Variants in UBR2 observed in about 807,000 individuals in gnomAD.
The protein encoded by UBR2 is ubiquitin protein ligase E3 component n-recognin 2, also known as E3 ubiquitin-protein ligase UBR2.
A neutral mutation model predicts 247.9 loss-of-function variants in UBR2; 92 were observed. The observed-to-expected ratio is 0.37, with a 90% CI of 0.31 to 0.44. UBR2 has a LOEUF of 0.44. UBR2 is among the 20% of genes least tolerant of loss of function. The probability of loss-of-function intolerance (pLI) is 1.00; values close to 1 mark genes in which losing one functional copy is unlikely to be tolerated. For synonymous variants in UBR2, 672 were observed against 693.5 expected, an observed-to-expected ratio of 0.97 and a Z score of 0.49; for missense variants, 1,613 against 2,112.6, an observed-to-expected ratio of 0.76 and a Z score of 4.64.
intron 1 of UBR2, among the ~76,000 whole-genome samples, chr6:42,569,385 T>C (rs996667889): frequency 6.6e-6 from 1 of 152,244 alleles, no homozygotes; most frequent in Non-Finnish European, 1.5e-5. Flanking sequence ...ATTGTGGTTT[T>C]GATTTGCATT....
intron 32 of UBR2, 134 bp from the exon 33 acceptor site, chr6:42,665,275 A>G: frequency 1.7e-6 from 1 of 587,020 alleles, no homozygotes; most frequent in Non-Finnish European, 2.8e-6. Context: ...TTTTTAATGC[A>G]ACAAATTTTC....
chr6:42,642,595 C>CT, intron 18 of UBR2, 114 bp downstream of exon 18: 1 of 807,652 alleles, frequency 1.2e-6, no homozygotes, highest in South Asian at 1.6e-5. Context: ...CAGCCTAGCC[C>CT]TGTCTCCTCA....
intron 2 of UBR2, among the ~76,000 whole-genome samples, chr6:42,582,059 G>A (rs1302936693): frequency 6.6e-6 from 1 of 152,022 alleles, no homozygotes; most frequent in African/African-American, 2.4e-5. Flanking sequence ...CGAGGTGGGT[G>A]GATCACGAGG....
intron 41 of UBR2, among the ~76,000 whole-genome samples, chr6:42,679,190 A>G (rs919328330): frequency 6.6e-6 from 1 of 152,228 alleles, no homozygotes; most frequent in Non-Finnish European, 1.5e-5. Context: ...TCTGTATCCC[A>G]CAGTGCCTGG....
At chr6:42,614,371 T>C (rs1169042870) in intron 8 of UBR2, among the ~76,000 whole-genome samples, 18 of 70,218 alleles carry the variant, frequency 2.6e-4, no homozygotes, top group African/African-American at 3.4e-4. Flanking sequence ...TATGTGTGTA[T>C]GTGTGTATAT....
Position 42,653,606 on chromosome 6 carries a change from C to CTTTTTTTTTTTT in UBR2, c.2769+978_2769+989dup, listed in dbSNP as rs72460060. Among the ~76,000 whole-genome samples the CTTTTTTTTTTTT allele has an allele frequency of 6.9e-4, 35 of 50,622 alleles. 1 individual carries two copies. The highest frequency in any genetic ancestry group is 3.0e-3 in the African/African-American group (34 of 11,196). 33.2% of individuals were successfully genotyped at this position (50,622 alleles called of 152,430 possible). ...TTTATGCCTTATTCCATGCTAAGCC[C>CTTTTTTTTTTTT]TTTTTTTTTTTTTTTTTTTTTTTTT... is the stretch of plus-strand genomic sequence containing the variant. On this transcript the variant is annotated intron_variant, in intron 25 of 46. Transcript: ENST00000372901.
intron 11 of UBR2, chr6:42,619,822 A>G (rs566072205): frequency 4.0e-5 from 17 of 427,668 alleles, no homozygotes; most frequent in South Asian, 1.0e-4. Context: ...GGCTTAGGCA[A>G]TCCTCCTGTC....
At chr6:42,631,880 ATATATATAT>A (rs1562333062) in intron 11 of UBR2, among the ~76,000 whole-genome samples, 8 of 140,660 alleles carry the variant, frequency 5.7e-5, no homozygotes, top group African/African-American at 2.1e-4. Context: ...ATATATATAT[ATATATATAT>A]AAATACAGGT....
chr6:42,635,574 G>C (rs1796039476), intron 14 of UBR2, 28 bp downstream of exon 14: 2 of 1,588,074 alleles, frequency 1.3e-6, no homozygotes, highest in Non-Finnish European at 1.7e-6. Context: ...GCGGGGAATA[G>C]GAGGAAAGTG....
At chr6:42,615,398 C>T (rs1206582596) in intron 9 of UBR2, among the ~76,000 whole-genome samples, 2 of 152,128 alleles carry the variant, frequency 1.3e-5, no homozygotes, top group African/African-American at 2.4e-5. Context: ...GTTTAGAAAA[C>T]TTGGTTTTAT....
At chr6:42,591,254 T>G (rs1792640707) in intron 2 of UBR2, among the ~76,000 whole-genome samples, 1 of 152,136 alleles carries the variant, frequency 6.6e-6, no homozygotes, top group Non-Finnish European at 1.5e-5. Context: ...AAAAGACTCT[T>G]CTGTCACCCA....
At position 42,632,913 on chromosome 6, in the gene UBR2, A is replaced by G; in HGVS notation, c.1545+9A>G. Reference sequence around the variant, plus strand: ...TACTAAAATGTATGCAGGTATGTAAAAACTGTTACACTTTTCTTTTTCCTT... The same window carrying G: ...TACTAAAATGTATGCAGGTATGTAAGAACTGTTACACTTTTCTTTTTCCTT... On this transcript the variant is annotated intron_variant, in intron 13 of 46. Transcript: ENST00000372901. The G allele has an allele frequency of 6.7e-7, 1 of 1,491,958 alleles. No homozygotes were observed. Among genetic ancestry groups the G allele is most frequent in the East Asian group, 2.4e-5 (1 of 41,080 alleles). 92.4% of individuals were successfully genotyped at this position (1,491,958 alleles called of 1,614,324 possible).
intron 11 of UBR2, among the ~76,000 whole-genome samples, chr6:42,618,822 G>A (rs573920090): frequency 4.6e-5 from 7 of 152,322 alleles, no homozygotes; most frequent in African/African-American, 9.6e-5. Flanking sequence ...CTACAGAACC[G>A]GCCAAGTGGG....
At chr6:42,609,119 G>A (rs1793901756) in intron 7 of UBR2, among the ~76,000 whole-genome samples, 1 of 152,182 alleles carries the variant, frequency 6.6e-6, no homozygotes, top group Non-Finnish European at 1.5e-5. Flanking sequence ...TTGAAGAGAT[G>A]CAAAGACTGG....
At chr6:42,593,466 C>A (rs1792789998) in intron 3 of UBR2, among the ~76,000 whole-genome samples, 1 of 152,098 alleles carries the variant, frequency 6.6e-6, no homozygotes, top group African/African-American at 2.4e-5. Context: ...AGGGCTTATT[C>A]TAAAATTTGC....
chr6:42,691,354 T>C lies in UBR2; in HGVS notation c.*181T>C. ...CTTCCATCAGCAGATTTTCTTGCAC[T>C]GTTTGCTGTGCCCCTCAAATATAAT... On this transcript the variant is annotated 3_prime_UTR_variant, in exon 47 of 47. Coordinates refer to ENST00000372901, the MANE Select transcript of UBR2 (RefSeq NM_001363705.2). 1.3e-6 allele frequency: 1 copy of C among 761,284 alleles called. No homozygotes were observed. The highest frequency in any genetic ancestry group is 2.8e-5 in the East Asian group (1 of 36,060). 47.2% of individuals were successfully genotyped at this position (761,284 alleles called of 1,614,324 possible).
rs1020665610 is a variant in UBR2 at position 42,693,155 on chromosome 6, G to A, written c.*1982G>A. On this transcript the variant is annotated 3_prime_UTR_variant, in exon 47 of 47. Coordinates refer to ENST00000372901, the MANE Select transcript of UBR2 (RefSeq NM_001363705.2). ...AGCTTTCCGGTCCGACTTCCTAGGAGCCTGGAGTTAGCAAAGGTTGTCTCT... is the reference window on the plus strand; with the variant it reads ...AGCTTTCCGGTCCGACTTCCTAGGAACCTGGAGTTAGCAAAGGTTGTCTCT... The A allele has an allele frequency of 6.6e-6, 1 of 152,092 alleles. No individual in the cohort carries two copies. The highest frequency in any genetic ancestry group is 1.5e-5 in the Non-Finnish European group (1 of 68,036). The allele number at this position is 152,092 out of a possible 1,614,324, so 9.4% of individuals were successfully genotyped here.
At chr6:42,615,263 T>C (rs1264772151) in intron 9 of UBR2, 85 bp downstream of exon 9, 72 of 997,158 alleles carry the variant, frequency 7.2e-5, no homozygotes, top group Non-Finnish European at 3.3e-5. Flanking sequence ...TGGGAAGATA[T>C]TTAATACATA....
chr6:42,599,732 C>G (rs1490533751), intron 4 of UBR2, among the ~76,000 whole-genome samples: 2 of 151,994 alleles, frequency 1.3e-5, no homozygotes, highest in Non-Finnish European at 2.9e-5. Context: ...TCACTGCAGC[C>G]TTGACCACAT....
Sources: gnomAD v4.1 joint callset for allele counts (sites outside exome capture counted in the v4.1 genomes callset) on GRCh38, gnomAD v4.1.1 for gene constraint, MANE v1.5 for transcripts, NCBI Gene and HGNC (gene_info 2026-07-23, HGNC 2026-07-21) for gene names.